CLSTN2: variants seen among roughly 807,000 people sequenced by gnomAD.
The protein encoded by CLSTN2 is calsyntenin 2, also known as calsyntenin-2.
Under a neutral mutation model 101.2 loss-of-function variants are expected in CLSTN2, and 48 were observed. The observed-to-expected ratio is 0.47, with a 90% CI of 0.38 to 0.60. CLSTN2 has a LOEUF of 0.60. Ranked by LOEUF, CLSTN2 falls within the 20% of genes least tolerant of loss-of-function variation. The pLI is 0.00. For synonymous variants in CLSTN2, 481 were observed against 463.6 expected, an observed-to-expected ratio of 1.04 and a Z score of -0.48; for missense variants, 1,160 against 1,238.2, an observed-to-expected ratio of 0.94 and a Z score of 0.95.
At chr3:140,171,683 A>AT (rs1434652010) in intron 1 of CLSTN2, among the ~76,000 whole-genome samples, 11 of 7,670 alleles carry the variant, frequency 1.4e-3, no homozygotes, top group East Asian at 0.071. Flanking sequence ...TGTATTATAT[A>AT]TAATATATAT....
chr3:140,447,104 T>TG (rs543393678), intron 5 of CLSTN2, among the ~76,000 whole-genome samples: 480 of 152,372 alleles, frequency 3.2e-3, no homozygotes, highest in Admixed American at 5.2e-3. Flanking sequence ...TTCTGGTAAC[T>TG]GCAGCCTGAT....
intron 1 of CLSTN2, among the ~76,000 whole-genome samples, chr3:140,014,112 A>G (rs1295975334): frequency 6.6e-6 from 1 of 152,236 alleles, no homozygotes; most frequent in African/African-American, 2.4e-5. Context: ...TGCCATTGTC[A>G]GGGGTGGCAC....
intron 1 of CLSTN2, among the ~76,000 whole-genome samples, chr3:140,124,071 T>C (rs1427146619): frequency 6.6e-6 from 1 of 151,594 alleles, no homozygotes; most frequent in Non-Finnish European, 1.5e-5. Context: ...ATAAAAGAGG[T>C]GGTGATAAGT....
intron 5 of CLSTN2, among the ~76,000 whole-genome samples, chr3:140,433,391 C>A (rs2088655409): frequency 6.6e-6 from 1 of 152,222 alleles, no homozygotes; most frequent in Non-Finnish European, 1.5e-5. Flanking sequence ...AGAGGTGGAA[C>A]CACAGCTAGA....
chr3:139,945,444 A>C (rs1208782867), intron 1 of CLSTN2, among the ~76,000 whole-genome samples: 1 of 152,162 alleles, frequency 6.6e-6, no homozygotes, highest in African/African-American at 2.4e-5. Flanking sequence ...CGAGGCTTAA[A>C]CCCCAAAACA....
intron 2 of CLSTN2, among the ~76,000 whole-genome samples, chr3:140,403,265 C>T (rs531412547): frequency 3.9e-4 from 59 of 152,192 alleles, no homozygotes; most frequent in African/African-American, 1.4e-3. Context: ...GAAATGGTAG[C>T]TGGAGACAGA....
At chr3:140,237,581 C>T (rs1049893916) in intron 2 of CLSTN2, among the ~76,000 whole-genome samples, 5 of 152,196 alleles carry the variant, frequency 3.3e-5, no homozygotes, top group Non-Finnish European at 2.9e-5. Flanking sequence ...TGCAGGGAAA[C>T]TGCTAAGCTC....
intron 2 of CLSTN2, among the ~76,000 whole-genome samples, chr3:140,299,686 C>A (rs2087040259): frequency 6.6e-6 from 1 of 152,198 alleles, no homozygotes; most frequent in Admixed American, 6.5e-5. Context: ...ATGAAGGATG[C>A]TGCTTGTATA....
chr3:140,288,171 A>C (rs548366998), intron 2 of CLSTN2, among the ~76,000 whole-genome samples: 2 of 152,080 alleles, frequency 1.3e-5, no homozygotes, highest in East Asian at 3.9e-4. Context: ...GACCTTCCAC[A>C]TGTATACCTA....
intron 9 of CLSTN2, among the ~76,000 whole-genome samples, chr3:140,533,226 C>T (rs1162286774): frequency 1.3e-5 from 2 of 152,126 alleles, no homozygotes; most frequent in African/African-American, 4.8e-5. Flanking sequence ...TGTTTCAGCT[C>T]CTTTAAGGGC....
rs1409904335 is a variant in CLSTN2, at chr3:140,170,965, A to G, written c.110-4986A>G. ...GATTTCATTGCCTGCCACTGAGCCT[A>G]TCTAATTTAGACCATTTAGATAGGC... On this transcript the variant is annotated intron_variant, in intron 1 of 16. Coordinates refer to ENST00000458420, the MANE Select transcript of CLSTN2 (RefSeq NM_022131.3). 3.9e-5 allele frequency among the ~76,000 whole-genome samples: 6 copies of G among 152,214 alleles called. No individual in the cohort carries two copies. The East Asian group carries it at 1.2e-3, about 29-fold the overall frequency.
Position 140,191,080 on chromosome 3 carries a change from G to A in CLSTN2, c.232+15007G>A, listed in dbSNP as rs922568050. Among the ~76,000 whole-genome samples the A allele has an allele frequency of 5.9e-5, 9 of 152,066 alleles. No individual in the cohort carries two copies. In the South Asian group the frequency reaches 1.9e-3, roughly 32 times the overall value. ...TTGTAAATGCCTTTTTCAAGTTGAG[G>A]CAGTTCTTTATTTTTGGGTTTCTGT... On this transcript the variant is annotated intron_variant, in intron 2 of 16. Transcript: ENST00000458420.
chr3:140,170,825 C>T (rs1287685907), intron 1 of CLSTN2, among the ~76,000 whole-genome samples: 1 of 152,176 alleles, frequency 6.6e-6, no homozygotes, highest in African/African-American at 2.4e-5. Context: ...CTGTAAGTGG[C>T]ATCACCATCA....
At chr3:140,037,029 T>C (rs1430330911) in intron 1 of CLSTN2, among the ~76,000 whole-genome samples, 1 of 152,220 alleles carries the variant, frequency 6.6e-6, no homozygotes, top group African/African-American at 2.4e-5. Flanking sequence ...ATAATTTTTG[T>C]CTTTTCTCTT....
At chr3:140,431,665 C>T (rs1480288206) in intron 5 of CLSTN2, among the ~76,000 whole-genome samples, 1 of 152,166 alleles carries the variant, frequency 6.6e-6, no homozygotes, top group Non-Finnish European at 1.5e-5. Flanking sequence ...TGCTCCTCTT[C>T]CCTTTCCTAA....
chr3:140,040,836 A>G (rs758059982), intron 1 of CLSTN2, among the ~76,000 whole-genome samples: 4 of 152,020 alleles, frequency 2.6e-5, no homozygotes, highest in Non-Finnish European at 1.5e-5. Context: ...GGGAGAGGGT[A>G]TTTTTCATGA....
At chr3:140,394,790 T>C (rs752679856) in intron 2 of CLSTN2, among the ~76,000 whole-genome samples, 1 of 152,240 alleles carries the variant, frequency 6.6e-6, no homozygotes, top group Non-Finnish European at 1.5e-5. Context: ...ACTGAATAAG[T>C]ATGAACTACA....
intron 2 of CLSTN2, among the ~76,000 whole-genome samples, chr3:140,287,288 C>A (rs774109581): frequency 1.3e-5 from 2 of 152,106 alleles, no homozygotes; most frequent in Admixed American, 6.6e-5. Context: ...AAGTGCACAT[C>A]GCATATGATT....
chr3:140,458,422 C>T (rs555511495), intron 6 of CLSTN2, among the ~76,000 whole-genome samples: 2 of 152,214 alleles, frequency 1.3e-5, no homozygotes, highest in East Asian at 3.9e-4. Context: ...AAGTTCCTGG[C>T]CCTCCTTCCC....
Sources: gnomAD v4.1 joint callset for allele counts (sites outside exome capture counted in the v4.1 genomes callset) on GRCh38, gnomAD v4.1.1 for gene constraint, MANE v1.5 for transcripts, NCBI Gene and HGNC (gene_info 2026-07-23, HGNC 2026-07-21) for gene names.